The following GPHN variants were observed in gnomAD, a reference collection of about 807,000 sequenced individuals.
GPHN encodes gephyrin.
A neutral mutation model predicts 95.5 loss-of-function variants in GPHN; 17 were observed. The ratio of observed to expected loss-of-function variants is 0.18; its 90% CI spans 0.12 to 0.27. The LOEUF (loss-of-function observed/expected upper bound fraction) is 0.27. GPHN is among the 10% of genes least tolerant of loss of function. GPHN has a pLI of 1.00. For synonymous variants in GPHN, 320 were observed against 322.5 expected (o/e 0.99, Z 0.08); for missense variants, 660 against 978.1 (o/e 0.67, Z 4.34).
chr14:67,632,669 G>C, the GPHN span, among the ~76,000 whole-genome samples: 367 of 152,082 alleles, frequency 2.4e-3, 1 homozygote, highest in African/African-American at 8.3e-3. Flanking sequence ...AAGCATTCCT[G>C]GGTTGTGAGA....
intron 1 of GPHN, among the ~76,000 whole-genome samples, chr14:66,608,248 A>G (rs1216802654): frequency 6.6e-6 from 1 of 151,364 alleles, no homozygotes; most frequent in East Asian, 1.9e-4. Flanking sequence ...TTTCCCCAAA[A>G]CTTATTCAAG....
the GPHN span, among the ~76,000 whole-genome samples, chr14:67,194,674 T>C: frequency 6.6e-6 from 1 of 152,060 alleles, no homozygotes; most frequent in African/African-American, 2.4e-5. Context: ...CCTGGTTAAT[T>C]GTATTTTTAG....
the GPHN span, chr14:67,303,728 A>G: frequency 4.4e-6 from 3 of 686,810 alleles, no homozygotes; most frequent in South Asian, 5.6e-5. Flanking sequence ...ATTTAAATAA[A>G]TATGAAATAT....
At chr14:66,773,547 T>A (rs921506815) in intron 2 of GPHN, among the ~76,000 whole-genome samples, 2 of 151,960 alleles carry the variant, frequency 1.3e-5, no homozygotes, top group African/African-American at 2.4e-5. Context: ...AGAGACGGGG[T>A]TTCACCATGT....
At chr14:67,071,782 T>TA (rs1052849563) in intron 11 of GPHN, among the ~76,000 whole-genome samples, 2 of 151,336 alleles carry the variant, frequency 1.3e-5, no homozygotes, top group East Asian at 1.9e-4. Context: ...TATTCACTCT[T>TA]AAAAAAAATA....
chr14:67,515,205 C>T, the GPHN span: 35 of 152,222 alleles, frequency 2.3e-4, no homozygotes, highest in African/African-American at 8.2e-4. Context: ...CGCCGGGACT[C>T]GGGGCGCTCT....
At chr14:66,909,609 C>T (rs1285693422) in intron 5 of GPHN, among the ~76,000 whole-genome samples, 1 of 151,904 alleles carries the variant, frequency 6.6e-6, no homozygotes, top group East Asian at 1.9e-4. Flanking sequence ...TGATAAAATT[C>T]CAAACCTGTT....
chr14:66,614,169 AATAAC>A (rs2062899954), intron 1 of GPHN, among the ~76,000 whole-genome samples: 1 of 152,172 alleles, frequency 6.6e-6, no homozygotes, highest in African/African-American at 2.4e-5. Flanking sequence ...AGATAATGAA[AATAAC>A]ATAACAGTAA....
chr14:66,932,731 C>T (rs775580716), intron 8 of GPHN, among the ~76,000 whole-genome samples: 5 of 151,672 alleles, frequency 3.3e-5, no homozygotes, highest in African/African-American at 4.8e-5. Context: ...GCTTTTTAGT[C>T]ACCACTGGTG....
chr14:67,356,702 G>A, the GPHN span, among the ~76,000 whole-genome samples: 219 of 152,180 alleles, frequency 1.4e-3, 4 homozygotes, highest in African/African-American at 5.0e-3. Flanking sequence ...TCCAACCTAC[G>A]TTCACTGTAC....
intron 5 of GPHN, among the ~76,000 whole-genome samples, chr14:66,893,710 A>C (rs887301234): frequency 8.5e-5 from 13 of 152,050 alleles, no homozygotes; most frequent in African/African-American, 2.9e-4. Context: ...GCATTCTTAT[A>C]CACCAATAAC....
chr14:66,867,852 C>T (rs2063286914), intron 4 of GPHN, among the ~76,000 whole-genome samples: 1 of 152,114 alleles, frequency 6.6e-6, no homozygotes. Flanking sequence ...TCATTCCTTC[C>T]ATCAGCAGTA....
At chr14:67,336,657 T>C in the GPHN span, 5 of 453,208 alleles carry the variant, frequency 1.1e-5, no homozygotes, top group Admixed American at 9.5e-5. Flanking sequence ...TTGACTTGCA[T>C]TCCAGCTGTG....
chr14:67,217,487 CCTTA>C, the GPHN span, among the ~76,000 whole-genome samples: 1 of 152,046 alleles, frequency 6.6e-6, no homozygotes, highest in South Asian at 2.1e-4. Flanking sequence ...ATCATTTGCT[CCTTA>C]CTTCTCTTAT....
the GPHN span, among the ~76,000 whole-genome samples, chr14:67,732,296 A>G: frequency 6.6e-6 from 1 of 151,386 alleles, no homozygotes; most frequent in Non-Finnish European, 1.5e-5. Flanking sequence ...AAATTAGCCC[A>G]GCATTGTGGT....
the GPHN span, among the ~76,000 whole-genome samples, chr14:67,612,142 C>T: frequency 6.6e-6 from 1 of 152,188 alleles, no homozygotes; most frequent in South Asian, 2.1e-4. Flanking sequence ...TGAAGCTTCA[C>T]TCGCTTGCTT....
At chr14:67,606,296 A>C in the GPHN span, among the ~76,000 whole-genome samples, 738 of 152,368 alleles carry the variant, frequency 4.8e-3, 36 homozygotes, top group East Asian at 0.082. Flanking sequence ...GATTTCTAGA[A>C]CAGTAGAGCT....
intron 16 of GPHN, among the ~76,000 whole-genome samples, chr14:67,117,924 T>C (rs1432505565): frequency 6.6e-6 from 1 of 152,112 alleles, no homozygotes; most frequent in Non-Finnish European, 1.5e-5. Context: ...ATATAACTGG[T>C]GGCAAGAGTT....
the GPHN span, chr14:67,722,837 G>A: frequency 9.4e-5 from 78 of 829,572 alleles, no homozygotes; most frequent in Non-Finnish European, 1.5e-4. Flanking sequence ...AGGAAAAGCA[G>A]GAAGGAAGGG....
Sources: allele counts gnomAD v4.1 joint callset (sites outside exome capture counted in the v4.1 genomes callset), GRCh38; gene constraint gnomAD v4.1.1; transcripts MANE v1.5; gene names NCBI Gene and HGNC (gene_info 2026-07-23, HGNC 2026-07-21).